The following FOXN3 variants were observed in gnomAD, a reference collection of about 807,000 sequenced individuals.
The protein encoded by FOXN3 is forkhead box N3.
Under a neutral mutation model 38.4 loss-of-function variants are expected in FOXN3, and 7 were observed. The observed-to-expected ratio is 0.18, with a 90% CI of 0.10 to 0.34. FOXN3 has a LOEUF of 0.34. FOXN3 is among the 10% of genes least tolerant of loss of function. The pLI is 1.00. For missense variants in FOXN3, 456 were observed against 613.4 expected, an observed-to-expected ratio of 0.74 and a Z score of 2.71; for synonymous variants, 230 against 242.2, an observed-to-expected ratio of 0.95 and a Z score of 0.47.
intron 1 of FOXN3, among the ~76,000 whole-genome samples, chr14:89,572,718 G>A (rs1895519794): frequency 6.6e-6 from 1 of 152,232 alleles, no homozygotes; most frequent in Admixed American, 6.5e-5. Flanking sequence ...CAGAGGTTGG[G>A]AACACAGAGG....
rs1889437885 is a variant in FOXN3, at chr14:89,360,552, G to A, written c.544-9744C>T. 7.9e-5 allele frequency among the ~76,000 whole-genome samples: 7 copies of A among 88,300 alleles called. 1 individual carries two copies. The Admixed American group carries it at 8.4e-4, about 11-fold the overall frequency. 57.9% of individuals were successfully genotyped at this position (88,300 alleles called of 152,430 possible). A position where few individuals can be genotyped will look rare whatever the true frequency, so the allele number is the denominator to read the frequency against. On this transcript the variant is annotated intron_variant, in intron 2 of 5. Transcript: ENST00000557258. ...AAAAAGGGACACAGAGGGAGTGACG[G>A]AAGGAGGTGAGGAGAGAGAGAGAGA...
chr14:89,496,863 G>A (rs985143097), intron 1 of FOXN3, among the ~76,000 whole-genome samples: 4 of 152,100 alleles, frequency 2.6e-5, no homozygotes, highest in African/African-American at 9.7e-5. Flanking sequence ...CCTCATAAAA[G>A]TGGAACCACG....
intron 1 of FOXN3, among the ~76,000 whole-genome samples, chr14:89,544,753 T>C (rs896496012): frequency 1.1e-4 from 17 of 152,290 alleles, no homozygotes; most frequent in African/African-American, 4.1e-4. Context: ...CGGAGACAGC[T>C]ACTGGGTGAC....
chr14:89,528,473 C>T (rs559791885), intron 1 of FOXN3, among the ~76,000 whole-genome samples: 15 of 144,052 alleles, frequency 1.0e-4, no homozygotes, highest in East Asian at 2.1e-4. Context: ...CTTGGCTCAC[C>T]GCAACCTCCG....
At chr14:89,234,211 C>G (rs1441653938) in intron 4 of FOXN3, among the ~76,000 whole-genome samples, 3 of 152,200 alleles carry the variant, frequency 2.0e-5, no homozygotes, top group African/African-American at 7.2e-5. Context: ...AGGGCCACTG[C>G]AACAAAGTGC....
intron 1 of FOXN3, among the ~76,000 whole-genome samples, chr14:89,432,022 T>C (rs1399128569): frequency 1.3e-5 from 2 of 152,242 alleles, no homozygotes; most frequent in Non-Finnish European, 1.5e-5. Flanking sequence ...GCTGTGTTGT[T>C]GCTTTTTTAT....
At chr14:89,579,150 A>ATT (rs35744248) in intron 1 of FOXN3, among the ~76,000 whole-genome samples, 1 of 127,762 alleles carries the variant, frequency 7.8e-6, no homozygotes, top group Non-Finnish European at 1.6e-5. Flanking sequence ...ATGCCCAGCC[A>ATT]TTTTTTTTTT....
chr14:89,464,374 T>C (rs571672722), intron 1 of FOXN3, among the ~76,000 whole-genome samples: 1 of 152,288 alleles, frequency 6.6e-6, no homozygotes, highest in South Asian at 2.1e-4. Context: ...TCATCCTCTA[T>C]AGCTCCTTGA....
intron 4 of FOXN3, among the ~76,000 whole-genome samples, chr14:89,182,553 G>A (rs1056643918): frequency 1.3e-5 from 2 of 152,120 alleles, no homozygotes; most frequent in South Asian, 2.1e-4. Flanking sequence ...CCTGATTTCC[G>A]CTAACAGACC....
intron 3 of FOXN3, among the ~76,000 whole-genome samples, chr14:89,304,866 G>A (rs189829409): frequency 1.3e-5 from 2 of 149,924 alleles, no homozygotes; most frequent in Admixed American, 1.3e-4. Context: ...AATAGACAAC[G>A]TCCTTTAAAA....
intron 4 of FOXN3, among the ~76,000 whole-genome samples, chr14:89,234,509 TA>T (rs1884919997): frequency 1.3e-5 from 2 of 152,012 alleles, no homozygotes; most frequent in South Asian, 4.2e-4. Context: ...CTGGATTAAT[TA>T]GGGGGGCAGA....
At chr14:89,314,657 G>A (rs1198071739) in intron 3 of FOXN3, among the ~76,000 whole-genome samples, 1 of 152,198 alleles carries the variant, frequency 6.6e-6, no homozygotes, top group Non-Finnish European at 1.5e-5. Context: ...GGGACACCAT[G>A]GTGGCCAAGA....
At position 89,413,723 on chromosome 14, in the gene FOXN3, AGG is replaced by A. The variant is rs770610748; in HGVS notation, c.-14-1235_-14-1234del. On this transcript the variant is annotated intron_variant, in intron 1 of 5. Transcript: ENST00000557258. ...AGAAGGGGGAAGGGAACGGAAGAGA[AGG>A]GGGAAGGGAAGGGAGAAGGGAAGGG... 2.3e-3 allele frequency among the ~76,000 whole-genome samples: 321 copies of A among 137,000 alleles called. 1 individual carries two copies. Among genetic ancestry groups the A allele is most frequent in the South Asian group, 7.4e-3 (26 of 3,498 alleles). The allele number at this position is 137,000 out of a possible 152,430, so 89.9% of individuals were successfully genotyped here.
At chr14:89,593,475 T>TA (rs998784429) in intron 1 of FOXN3, among the ~76,000 whole-genome samples, 5 of 152,028 alleles carry the variant, frequency 3.3e-5, no homozygotes, top group Non-Finnish European at 4.4e-5. Flanking sequence ...CCGTCTCTAC[T>TA]AAAAAAATAC....
chr14:89,575,745 G>T (rs1895597463), intron 1 of FOXN3, among the ~76,000 whole-genome samples: 1 of 152,164 alleles, frequency 6.6e-6, no homozygotes, highest in Non-Finnish European at 1.5e-5. Context: ...TCTAACAACT[G>T]TTTCTTATTT....
chr14:89,601,253 T>G (rs1195952334), intron 1 of FOXN3, among the ~76,000 whole-genome samples: 1 of 152,222 alleles, frequency 6.6e-6, no homozygotes, highest in African/African-American at 2.4e-5. Flanking sequence ...TAAGATGGCT[T>G]GATTCAAAAC....
intron 1 of FOXN3, among the ~76,000 whole-genome samples, chr14:89,483,149 C>T (rs1388353362): frequency 2.6e-5 from 4 of 152,094 alleles, no homozygotes; most frequent in Admixed American, 6.6e-5. Flanking sequence ...GGAGGTTGCA[C>T]AGACCCAAGA....
intron 1 of FOXN3, among the ~76,000 whole-genome samples, chr14:89,563,793 T>G (rs1452937719): frequency 6.6e-6 from 1 of 152,152 alleles, no homozygotes; most frequent in Non-Finnish European, 1.5e-5. Flanking sequence ...GGTGTGCCAT[T>G]GCAGATTTTG....
chr14:89,549,848 T>A (rs2139861275), intron 1 of FOXN3, among the ~76,000 whole-genome samples: 1 of 152,340 alleles, frequency 6.6e-6, no homozygotes, highest in South Asian at 2.1e-4. Flanking sequence ...TGTATTAAGC[T>A]ATCTCCAGTC....
Sources: allele counts gnomAD v4.1 joint callset (sites outside exome capture counted in the v4.1 genomes callset), GRCh38; gene constraint gnomAD v4.1.1; transcripts MANE v1.5; gene names NCBI Gene and HGNC (gene_info 2026-07-23, HGNC 2026-07-21).